FKBP1A: variants seen among roughly 807,000 people sequenced by gnomAD.
FKBP1A encodes FKBP prolyl isomerase 1A.
A neutral mutation model predicts 14.2 loss-of-function variants in FKBP1A; 5 were observed. That is an observed-to-expected ratio of 0.35 (90% CI 0.18 to 0.74). The LOEUF (loss-of-function observed/expected upper bound fraction) is 0.74, where lower values mean the gene tolerates loss of function less well. Ranked by LOEUF, FKBP1A falls within the 30% of genes least tolerant of loss-of-function variation. The pLI is 0.56. For synonymous variants in FKBP1A, 42 were observed against 49.1 expected (o/e 0.86, Z 0.60); for missense variants, 53 against 138.8 (o/e 0.38, Z 3.10).
intron 2 of FKBP1A, among the ~76,000 whole-genome samples, chr20:1,389,665 T>G (rs2089710315): frequency 6.6e-6 from 1 of 152,194 alleles, no homozygotes; most frequent in South Asian, 2.1e-4. Context: ...AGTTAGTTAC[T>G]TTTTAAGAAG....
Position 1,372,118 on chromosome 20 carries a change from C to T in FKBP1A, c.321G>A (p.Leu107=). The part of the protein sequence containing the change: ...TLVFDVELLK[L]E ...AGGGAGGAGGCCATTCCTGTCATTC[C>T]AGTTTTAGAAGCTCCACATCGAAGA... is the stretch of plus-strand genomic sequence containing the variant. Residue 107 remains leucine, a synonymous_variant, in exon 4 of 5, where the codon CTG becomes CTA. Coordinates refer to ENST00000400137, the MANE Select transcript of FKBP1A (RefSeq NM_000801.5). The T allele has an allele frequency of 6.2e-7, 1 of 1,613,660 alleles. No homozygotes were observed. Among genetic ancestry groups the T allele is most frequent in the East Asian group, 2.2e-5 (1 of 44,864 alleles).
intron 2 of FKBP1A, among the ~76,000 whole-genome samples, chr20:1,381,552 A>G (rs1600334302): frequency 6.6e-6 from 1 of 152,210 alleles, no homozygotes; most frequent in Non-Finnish European, 1.5e-5. Context: ...CTCCCATATG[A>G]CCCAGCCATT....
intron 2 of FKBP1A, among the ~76,000 whole-genome samples, chr20:1,390,441 A>T (rs1336906262): frequency 6.6e-6 from 1 of 152,134 alleles, no homozygotes; most frequent in East Asian, 1.9e-4. Context: ...AATCTCTAAC[A>T]GGAGACTACT....
chr20:1,376,811 G>A (rs1368399468), intron 2 of FKBP1A: 2 of 152,038 alleles, frequency 1.3e-5, no homozygotes, highest in Non-Finnish European at 2.9e-5. Context: ...CCCAGAAGCT[G>A]GACAAGCCAC....
chr20:1,383,166 A>AGT (rs961251868), intron 2 of FKBP1A, among the ~76,000 whole-genome samples: 7 of 152,194 alleles, frequency 4.6e-5, no homozygotes, highest in Admixed American at 4.6e-4. Flanking sequence ...GGAAGGGCAG[A>AGT]GTGCCATATA....
intron 2 of FKBP1A, among the ~76,000 whole-genome samples, chr20:1,380,370 G>C (rs1468069705): frequency 1.3e-5 from 2 of 152,114 alleles, no homozygotes; most frequent in Non-Finnish European, 2.9e-5. Context: ...CTCAGTGCAT[G>C]TATCTGAGCA....
intron 2 of FKBP1A, among the ~76,000 whole-genome samples, chr20:1,391,997 G>C (rs1378509884): frequency 3.3e-5 from 5 of 152,120 alleles, no homozygotes; most frequent in Non-Finnish European, 5.9e-5. Flanking sequence ...CAAGGCACAC[G>C]ACTCTGATGT....
chr20:1,371,245 TTACGTGCTACTAGGATAC>T, intron 4 of FKBP1A: 1 of 974,376 alleles, frequency 1.0e-6, no homozygotes, highest in Non-Finnish European at 1.2e-6. Flanking sequence ...ACATGAAAAG[TTACGTGCTACTAGGATAC>T]TGAGTTTAGT....
chr20:1,372,303 A>G, intron 3 of FKBP1A, 63 bp from the exon 4 acceptor site: 1 of 1,573,594 alleles, frequency 6.4e-7, no homozygotes, highest in Middle Eastern at 1.7e-4. Context: ...TCTGTAAGAA[A>G]AAGAGCTGTT....
At chr20:1,378,946 C>T (rs1264068289) in intron 2 of FKBP1A, among the ~76,000 whole-genome samples, 1 of 152,208 alleles carries the variant, frequency 6.6e-6, no homozygotes, top group Non-Finnish European at 1.5e-5. Context: ...CACATTTTGT[C>T]TGTGTATAAA....
rs145726293 is a variant in FKBP1A at position 1,380,787 on chromosome 20, A to C, written c.86-5184T>G. ...CCACAATGAGGAGACTTATCAATCAATTGAAAGCAACCCAGAACTAACACA... is the reference window on the plus strand; with the variant it reads ...CCACAATGAGGAGACTTATCAATCACTTGAAAGCAACCCAGAACTAACACA... On this transcript the variant is annotated intron_variant, in intron 2 of 4. Transcript: ENST00000400137. Among the ~76,000 whole-genome samples, 16 of 152,360 alleles carry C rather than the reference A, an allele frequency of 1.1e-4. 1 individual carries two copies. The East Asian group carries it at 3.1e-3, about 29-fold the overall frequency.
intron 2 of FKBP1A, among the ~76,000 whole-genome samples, chr20:1,392,137 G>A (rs915262413): frequency 1.5e-4 from 23 of 152,190 alleles, no homozygotes; most frequent in African/African-American, 5.6e-4. Context: ...AAGAGCTGGG[G>A]GACTAAATTA....
At chr20:1,375,179 G>A in intron 3 of FKBP1A, 3 of 520,470 alleles carry the variant, frequency 5.8e-6, no homozygotes, top group South Asian at 6.1e-5. Flanking sequence ...ACAGGCATGA[G>A]CCACCGCGCC....
rs534848822 is a variant in FKBP1A at position 1,369,279 on chromosome 20, T to C, written c.*830A>G. On this transcript the variant is annotated 3_prime_UTR_variant, in exon 5 of 5. Transcript: ENST00000400137. ...TTAAGTCTACAAACAGCACCTTCAA[T>C]TGAAACTGTCAATTAAAGTTCTTAA... 3 of 166,990 alleles carry C rather than the reference T, an allele frequency of 1.8e-5. No individual in the cohort carries two copies. Among genetic ancestry groups the C allele is most frequent in the South Asian group, 2.1e-4 (1 of 4,822 alleles). 10.3% of individuals were successfully genotyped at this position (166,990 alleles called of 1,614,324 possible).
At chr20:1,370,225 A>G in intron 4 of FKBP1A, 153 bp from the exon 5 acceptor site, 5 of 985,494 alleles carry the variant, frequency 5.1e-6, no homozygotes, top group Non-Finnish European at 6.0e-6. Flanking sequence ...GGAGACAGCC[A>G]GAAAGACTTG....
chr20:1,389,086 A>G (rs1266548595), intron 2 of FKBP1A, among the ~76,000 whole-genome samples: 1 of 152,154 alleles, frequency 6.6e-6, no homozygotes, highest in Non-Finnish European at 1.5e-5. Context: ...CACGAAAAGC[A>G]GCCAACTTCC....
intron 2 of FKBP1A, 27 bp from the exon 3 acceptor site, chr20:1,375,630 G>T: frequency 6.7e-7 from 1 of 1,482,724 alleles, no homozygotes; most frequent in Non-Finnish European, 9.4e-7. Flanking sequence ...TGTAACATGA[G>T]CAGCAGAGTA....
chr20:1,390,700 C>A lies in FKBP1A; in HGVS notation c.85+2134G>T, dbSNP rs115430668. Among the ~76,000 whole-genome samples, 332 of 152,274 alleles carry A rather than the reference C, an allele frequency of 2.2e-3. 1 individual carries two copies. The highest frequency in any genetic ancestry group is 7.5e-3 in the African/African-American group (313 of 41,528). On this transcript the variant is annotated intron_variant, in intron 2 of 4. Transcript: ENST00000400137. Reference sequence around the variant, plus strand: ...TCCCAGTGCCTACCCACTCCTCTCACGCCCCCACAGGTCTCAAACAGGTTA... The same window carrying A: ...TCCCAGTGCCTACCCACTCCTCTCAAGCCCCCACAGGTCTCAAACAGGTTA...
At chr20:1,375,920 C>A (rs768471903) in intron 2 of FKBP1A, among the ~76,000 whole-genome samples, 1 of 152,160 alleles carries the variant, frequency 6.6e-6, no homozygotes, top group Non-Finnish European at 1.5e-5. Context: ...TCTCCCAGCA[C>A]CCCGTGGATT....
Sources: gnomAD v4.1 joint callset for allele counts (sites outside exome capture counted in the v4.1 genomes callset) on GRCh38, gnomAD v4.1.1 for gene constraint, MANE v1.5 for transcripts, NCBI Gene and HGNC (gene_info 2026-07-23, HGNC 2026-07-21) for gene names.